Variants in LAMA5 observed in about 807,000 individuals in gnomAD.
LAMA5 encodes laminin subunit alpha-5.
LAMA5 carries 260 observed loss-of-function variants against 433.4 expected under a neutral mutation model. The ratio of observed to expected loss-of-function variants is 0.60; its 90% CI spans 0.54 to 0.66. LAMA5 has a LOEUF of 0.66. Ranked by LOEUF, LAMA5 falls within the 30% of genes least tolerant of loss-of-function variation. The probability of loss-of-function intolerance (pLI) is 0.00; values close to 1 mark genes in which losing one functional copy is unlikely to be tolerated. For synonymous variants in LAMA5, 2,620 were observed against 2,226.6 expected (o/e 1.18, Z -4.97); for missense variants, 5,378 against 5,258.5 (o/e 1.02, Z -0.70).
Position 62,323,455 on chromosome 20 carries a change from C to T in LAMA5, c.6064+1G>A, listed in dbSNP as rs781579559. 2 of 1,537,616 alleles carry T rather than the reference C, an allele frequency of 1.3e-6. No individual in the cohort carries two copies. The highest frequency in any genetic ancestry group is 1.7e-6 in the Non-Finnish European group (2 of 1,143,252). On this transcript the variant is annotated splice_donor_variant, in intron 45 of 79. Coordinates refer to ENST00000252999, the MANE Select transcript of LAMA5 (RefSeq NM_005560.6). LOFTEE classifies it high-confidence loss of function. ...TGCATCCCTCCCAGCCCGACGCCTA[C>T]GGGTGCAGTTGCCGGGCAGCAGGGC...
At chr20:62,366,411 G>C (rs920277732) in intron 1 of LAMA5, among the ~76,000 whole-genome samples, 2 of 152,202 alleles carry the variant, frequency 1.3e-5, no homozygotes, top group African/African-American at 4.8e-5. Context: ...TGGGAGCCAC[G>C]TGTTCCCAGC....
In LAMA5 at chr20:62,351,658, G is replaced by C. The variant is rs766676683; in HGVS notation, c.956+46C>G. 3.9e-6 allele frequency: 6 copies of C among 1,535,146 alleles called. No individual in the cohort carries two copies. The African/African-American group carries it at 6.8e-5, about 17-fold the overall frequency. Reference sequence around the variant, plus strand: ...GGGTGACAAGGACAGGCAGGGAGCTGGGGGGGGCCTCACCTGAACGGGGCC... The same window carrying C: ...GGGTGACAAGGACAGGCAGGGAGCTCGGGGGGGCCTCACCTGAACGGGGCC... On this transcript the variant is annotated intron_variant, in intron 6 of 79. Transcript: ENST00000252999.
chr20:62,321,179 G>A (rs1364654597), intron 48 of LAMA5, among the ~76,000 whole-genome samples: 2 of 137,140 alleles, frequency 1.5e-5, no homozygotes, highest in Non-Finnish European at 3.1e-5. Context: ...GGTGGAGGCA[G>A]GGTCAGTGAA....
chr20:62,338,067 G>T lies in LAMA5; in HGVS notation c.1840C>A (p.Pro614Thr). 3 of 1,606,308 alleles carry T rather than the reference G, an allele frequency of 1.9e-6. No homozygotes were observed. The highest frequency in any genetic ancestry group is 1.7e-6 in the Non-Finnish European group (2 of 1,176,062). The change falls in exon 14 of 80, where the codon CCT becomes ACT. Residue 614 changes from proline (P) to threonine (T), a missense_variant. Pro to Thr is a conservative substitution (Grantham distance 38). Coordinates refer to ENST00000252999, the MANE Select transcript of LAMA5 (RefSeq NM_005560.6). The stretch of plus-strand genomic sequence containing the variant: ...CCAGGGCGGCACCGGTCACAATGAG[G>T]TCCAGCAAACTCAGGCTGGCATAGG... ...RCLCQPEFAG[P>T]HCDRCRPGYH...
rs1986695753 is a variant in LAMA5, at chr20:62,314,338, T to C, written c.8470A>G (p.Ile2824Val). The change falls in exon 62 of 80, where the codon ATT (isoleucine) becomes GTT (valine). Residue 2824 changes from isoleucine to valine, a missense_variant. Physicochemically the swap from Ile to Val is conservative, Grantham distance 29. Transcript: ENST00000252999. The stretch of plus-strand genomic sequence containing the variant: ...CTGACAGCTGCGAACTGCTCCCCAA[T>C]GTCCTCATCGATGCTTAGGACTGCA... The part of the protein sequence containing the change: ...GPAVLSIDED[I>V]GEQFAAVSLD... 3.1e-6 allele frequency: 5 copies of C among 1,613,200 alleles called. No individual in the cohort carries two copies. The highest frequency in any genetic ancestry group is 1.7e-5 in the Admixed American group (1 of 59,974).
chr20:62,328,249 G>A lies in LAMA5; in HGVS notation c.4644C>T (p.Gly1548=). Residue 1548 remains glycine, a synonymous_variant, in exon 35 of 80, where the codon GGC becomes GGT. Transcript: ENST00000252999. ...CCGCTCTGGGCTCTCACTTGCACTG[G>A]CCGCTGTCTGTGTCACAGGTAGGGT... The part of the protein sequence containing the change: ...LTDPTCDTDS[G]QCKCRPNVTG... The A allele has an allele frequency of 6.2e-7, 1 of 1,604,878 alleles. No individual in the cohort carries two copies. The highest frequency in any genetic ancestry group is 8.5e-7 in the Non-Finnish European group (1 of 1,176,100).
chr20:62,364,618 C>A (rs1986518454), intron 1 of LAMA5, among the ~76,000 whole-genome samples: 1 of 152,232 alleles, frequency 6.6e-6, no homozygotes, highest in African/African-American at 2.4e-5. Context: ...TAAGGACTTC[C>A]CCTTCCAATG....
At chr20:62,312,090 C>A in intron 69 of LAMA5, 40 bp from the exon 70 acceptor site, 2 of 1,609,236 alleles carry the variant, frequency 1.2e-6, no homozygotes, top group East Asian at 2.2e-5. Context: ...GCCTGGGGAC[C>A]CAGACTCATT....
At position 62,311,283 on chromosome 20, in the gene LAMA5, C is replaced by A. The variant is rs747595601; in HGVS notation, c.9967G>T (p.Ala3323Ser). 1.4e-5 allele frequency: 22 copies of A among 1,594,046 alleles called. No homozygotes were observed. The highest frequency in any genetic ancestry group is 1.8e-5 in the Non-Finnish European group (21 of 1,172,580). The change falls in exon 73 of 80, where the codon GCC becomes TCC. Residue 3323 changes from alanine (A) to serine (S), a missense_variant. Ala to Ser is a moderately conservative substitution (Grantham distance 99, BLOSUM62 1). Coordinates refer to ENST00000252999, the MANE Select transcript of LAMA5 (RefSeq NM_005560.6). ...RKASRRSRQP[A>S]RHPACMLPPH... is the part of the protein sequence containing the mutation. ...GGCAGCATGCAGGCAGGATGCCGGG[C>A]GGGCTGACGGCTGCGGCGGGAGGCC...
In LAMA5 at chr20:62,320,881, T is replaced by C. The variant is rs1467014752; in HGVS notation, c.6506A>G (p.His2169Arg). The stretch of plus-strand genomic sequence containing the variant: ...GTCATCCAGGAGCAGGACCACACAG[T>C]GGTCACACACTGCAGGCGATGTGGG... ...GHSIHCEVCD[H>R]CVVLLLDDLE... The change falls in exon 49 of 80, where the codon CAC becomes CGC. Residue 2169 changes from histidine (H) to arginine (R), a missense_variant. By Grantham distance (29) the His-to-Arg change is conservative. Coordinates refer to ENST00000252999, the MANE Select transcript of LAMA5 (RefSeq NM_005560.6). The C allele has an allele frequency of 1.2e-6, 2 of 1,608,392 alleles. No homozygotes were observed. The highest frequency in any genetic ancestry group is 1.7e-6 in the Non-Finnish European group (2 of 1,177,860).
rs763766191 is a variant in LAMA5 at position 62,311,229 on chromosome 20, A to G, written c.10021T>C (p.Tyr3341His). The change falls in exon 73 of 80, where the codon TAC becomes CAC. Residue 3341 changes from tyrosine (Y) to histidine (H), a missense_variant. Coordinates refer to ENST00000252999, the MANE Select transcript of LAMA5 (RefSeq NM_005560.6). ...PPHLRTTRDS[Y>H]QFGGSLSSHL... ...CTGGACAGGGAACCCCCAAACTGGT[A>G]GGAGTCTCGGGTGGTCCTGAGGTGT... 1.9e-6 allele frequency: 3 copies of G among 1,610,280 alleles called. No homozygotes were observed. The highest frequency in any genetic ancestry group is 2.5e-6 in the Non-Finnish European group (3 of 1,178,994).
chr20:62,330,692 C>T (rs764733606), intron 30 of LAMA5, 51 bp downstream of exon 30: 2 of 1,557,402 alleles, frequency 1.3e-6, no homozygotes, highest in Non-Finnish European at 8.7e-7. Flanking sequence ...TGGGTTGGGA[C>T]CCGGAGTCCT....
At chr20:62,328,121 GGCGCT>G in intron 35 of LAMA5, 111 bp from the exon 36 acceptor site, 1 of 1,526,594 alleles carries the variant, frequency 6.6e-7, no homozygotes, top group Non-Finnish European at 8.8e-7. Context: ...TGGAGGAGAG[GGCGCT>G]GCTGCACCCA....
Position 62,323,496 on chromosome 20 carries a change from G to A in LAMA5, c.6024C>T (p.Pro2008=), listed in dbSNP as rs367854786. The A allele has an allele frequency of 2.7e-4, 428 of 1,556,954 alleles. 1 individual carries two copies. The highest frequency in any genetic ancestry group is 2.0e-3 in the African/African-American group (148 of 74,108). The part of the protein sequence containing the change: ...TTGPRCEICA[P]GFYGNALLPG... Reference sequence around the variant, plus strand: ...GCAGCAGGGCGTTGCCGTAGAAGCCGGGGGCACAGATCTCGCAGCGGGGCC... The same window carrying A: ...GCAGCAGGGCGTTGCCGTAGAAGCCAGGGGCACAGATCTCGCAGCGGGGCC... The change falls in exon 45 of 80, where the codon CCC becomes CCT. Residue 2008 remains proline (P), a synonymous_variant. Transcript: ENST00000252999.
At chr20:62,351,429 G>A (rs982915995) in intron 6 of LAMA5, among the ~76,000 whole-genome samples, 11 of 152,300 alleles carry the variant, frequency 7.2e-5, no homozygotes, top group Admixed American at 4.6e-4. Flanking sequence ...CTGGGGGTCC[G>A]GAGAGCCCCA....
intron 2 of LAMA5, among the ~76,000 whole-genome samples, chr20:62,355,710 G>A (rs1377675530): frequency 1.3e-5 from 2 of 152,086 alleles, no homozygotes; most frequent in East Asian, 1.9e-4. Context: ...CCTCTTCAGG[G>A]ACAGACCCTA....
In LAMA5 at chr20:62,317,647, AG is replaced by A. The variant is rs1410819610; in HGVS notation, c.7356+14del. On this transcript the variant is annotated intron_variant, in intron 54 of 79. Coordinates refer to ENST00000252999, the MANE Select transcript of LAMA5 (RefSeq NM_005560.6). ...CGTGGATGGGGTGGCGACAGGGGCCAGGGGCTGCACTCACCTCCTTAGCCTG... is the reference window on the plus strand; with the variant it reads ...CGTGGATGGGGTGGCGACAGGGGCCAGGGCTGCACTCACCTCCTTAGCCTG... The A allele has an allele frequency of 1.3e-6, 2 of 1,546,354 alleles. No homozygotes were observed. Among genetic ancestry groups the A allele is most frequent in the Non-Finnish European group, 1.8e-6 (2 of 1,142,736 alleles).
Position 62,314,446 on chromosome 20 carries a change from G to A in LAMA5, c.8368-6C>T, listed in dbSNP as rs748710631. 6.2e-7 allele frequency: 1 copy of A among 1,613,166 alleles called. No homozygotes were observed. The highest frequency in any genetic ancestry group is 1.1e-5 in the South Asian group (1 of 91,076). ...CCCATGTAGTCCCCAGTGGCCTGCGGCAGTGACAGACACACAGTCGGGATG... is the reference window on the plus strand; with the variant it reads ...CCCATGTAGTCCCCAGTGGCCTGCGACAGTGACAGACACACAGTCGGGATG... On this transcript the variant is annotated splice_region_variant and splice_polypyrimidine_tract_variant and intron_variant, in intron 61 of 79. Transcript: ENST00000252999.
At chr20:62,309,635 G>GGGT (rs1555864631) in intron 79 of LAMA5, 81 bp downstream of exon 79, 324 of 604,942 alleles carry the variant, frequency 5.4e-4, no homozygotes, top group Middle Eastern at 1.8e-3. Flanking sequence ...AGGGGGTGGA[G>GGGT]GGGTGGGGGG....
Sources: gnomAD v4.1 joint callset for allele counts (sites outside exome capture counted in the v4.1 genomes callset) on GRCh38, gnomAD v4.1.1 for gene constraint, MANE v1.5 for transcripts, NCBI Gene and HGNC (gene_info 2026-07-23, HGNC 2026-07-21) for gene names.